Variants in PARD3 observed in about 807,000 individuals in gnomAD.
PARD3 encodes the protein partitioning defective 3 homolog.
Under a neutral mutation model 155.4 loss-of-function variants are expected in PARD3, and 75 were observed. The observed-to-expected ratio is 0.48, with a 90% CI of 0.40 to 0.58. The LOEUF is 0.58. Ranked by LOEUF, PARD3 falls within the 20% of genes least tolerant of loss-of-function variation. PARD3 has a pLI of 0.00. For missense variants in PARD3, 1,642 were observed against 1,721.7 expected (o/e 0.95, Z 0.82); for synonymous variants, 576 against 610.5 (o/e 0.94, Z 0.83).
intron 12 of PARD3, 57 bp from the exon 13 acceptor site, chr10:34,360,316 T>A (rs1839320645): frequency 1.5e-6 from 2 of 1,341,794 alleles, no homozygotes; most frequent in South Asian, 2.4e-5. Context: ...TTCTCAAAGT[T>A]ATTTTTAAAG....
At chr10:34,191,947 A>G (rs1294286463) in intron 22 of PARD3, among the ~76,000 whole-genome samples, 3 of 152,200 alleles carry the variant, frequency 2.0e-5, no homozygotes, top group African/African-American at 4.8e-5. Flanking sequence ...AGGCTAAAAC[A>G]CGGGCTCAGC....
intron 14 of PARD3, among the ~76,000 whole-genome samples, chr10:34,355,286 C>T (rs566107519): frequency 1.3e-5 from 2 of 152,058 alleles, no homozygotes; most frequent in African/African-American, 4.8e-5. Flanking sequence ...GGGGACTATA[C>T]CACTGCACTC....
chr10:34,721,038 C>A (rs2094599089), intron 1 of PARD3, among the ~76,000 whole-genome samples: 2 of 152,120 alleles, frequency 1.3e-5, no homozygotes, highest in Non-Finnish European at 2.9e-5. Context: ...GAACAATGAG[C>A]TGCATTATTC....
At chr10:34,780,204 C>G (rs1233699030) in intron 1 of PARD3, among the ~76,000 whole-genome samples, 1 of 152,218 alleles carries the variant, frequency 6.6e-6, no homozygotes, top group Non-Finnish European at 1.5e-5. Context: ...ACTAACTTCA[C>G]AAACTAATCA....
rs752174405 is a variant in PARD3 at position 34,617,256 on chromosome 10, C to CA, written c.222+79061dup. ...TGGGCGACAGAGCAAGACTCTGTCT[C>CA]AAAAAATAAATAAATAAATAAAAAT... On this transcript the variant is annotated intron_variant, in intron 2 of 24. Coordinates refer to ENST00000374788, the MANE Select transcript of PARD3 (RefSeq NM_001184785.2). 1.6e-3 allele frequency among the ~76,000 whole-genome samples: 237 copies of CA among 147,576 alleles called. 2 individuals are homozygous for CA. The highest frequency in any genetic ancestry group is 5.8e-3 in the South Asian group (27 of 4,678).
intron 2 of PARD3, among the ~76,000 whole-genome samples, chr10:34,628,871 G>T (rs1162957278): frequency 6.6e-6 from 1 of 152,208 alleles, no homozygotes; most frequent in Non-Finnish European, 1.5e-5. Flanking sequence ...ACGCATTACA[G>T]AGAGGAGTGG....
chr10:34,155,098 T>C lies in PARD3; in HGVS notation c.3420-23515A>G, dbSNP rs557707203. 4.6e-5 allele frequency among the ~76,000 whole-genome samples: 7 copies of C among 152,306 alleles called. No individual in the cohort carries two copies. The South Asian group carries it at 1.0e-3, about 23-fold the overall frequency. Reference sequence around the variant, plus strand: ...AGGAAATGGTACAGACCAGGCCAGATGCATTTCCATAGGTTCCCTAAATTT... The same window carrying C: ...AGGAAATGGTACAGACCAGGCCAGACGCATTTCCATAGGTTCCCTAAATTT... On this transcript the variant is annotated intron_variant, in intron 22 of 24. Transcript: ENST00000374788.
intron 22 of PARD3, among the ~76,000 whole-genome samples, chr10:34,151,852 T>C (rs1148241): frequency 0.28 from 42,423 of 152,110 alleles, 6,346 homozygotes; most frequent in Non-Finnish European, 0.32. Flanking sequence ...ATCTTTATAG[T>C]AACTTTAATA....
At chr10:34,212,434 T>G (rs1298516206) in intron 22 of PARD3, among the ~76,000 whole-genome samples, 2 of 152,212 alleles carry the variant, frequency 1.3e-5, no homozygotes. Flanking sequence ...ATTGTTATTT[T>G]GTATTCTGCT....
chr10:34,363,242 A>G (rs1159834382), intron 12 of PARD3, among the ~76,000 whole-genome samples: 1 of 152,244 alleles, frequency 6.6e-6, no homozygotes, highest in Non-Finnish European at 1.5e-5. Flanking sequence ...ATATATGAAG[A>G]AAAATTTTAA....
intron 22 of PARD3, among the ~76,000 whole-genome samples, chr10:34,178,207 A>T (rs1426649828): frequency 6.6e-6 from 1 of 152,254 alleles, no homozygotes; most frequent in Non-Finnish European, 1.5e-5. Context: ...CTTCTCTAAT[A>T]AAATGAACAC....
intron 3 of PARD3, among the ~76,000 whole-genome samples, chr10:34,512,031 A>C (rs542435158): frequency 3.9e-5 from 6 of 152,192 alleles, no homozygotes; most frequent in Admixed American, 3.3e-4. Flanking sequence ...ACCTCCCAAC[A>C]CTGTTGTACT....
At chr10:34,351,370 CACT>C (rs1404615915) in intron 14 of PARD3, among the ~76,000 whole-genome samples, 1 of 152,118 alleles carries the variant, frequency 6.6e-6, no homozygotes, top group Non-Finnish European at 1.5e-5. Context: ...CCTTAAAACA[CACT>C]ACATTATGTG....
chr10:34,528,897 G>A (rs567476390), intron 2 of PARD3, among the ~76,000 whole-genome samples: 1 of 152,286 alleles, frequency 6.6e-6, no homozygotes, highest in South Asian at 2.1e-4. Context: ...CAATCAGGAT[G>A]TATAATTATT....
At chr10:34,389,065 C>T (rs911011424) in intron 7 of PARD3, among the ~76,000 whole-genome samples, 9 of 151,956 alleles carry the variant, frequency 5.9e-5, no homozygotes, top group Admixed American at 5.2e-4. Context: ...CCTGATGGAG[C>T]TGAAACATCC....
chr10:34,806,324 T>G (rs1050949216), intron 1 of PARD3, among the ~76,000 whole-genome samples: 3 of 151,772 alleles, frequency 2.0e-5, no homozygotes, highest in African/African-American at 7.3e-5. Flanking sequence ...GCCTCCCAAG[T>G]AGCTGTGATT....
intron 1 of PARD3, among the ~76,000 whole-genome samples, chr10:34,740,533 C>A (rs1215602769): frequency 8.5e-5 from 13 of 152,052 alleles, no homozygotes. Flanking sequence ...AGGACTGTAA[C>A]AGGTGTGTTC....
At chr10:34,358,175 A>G (rs1370038366) in intron 14 of PARD3, among the ~76,000 whole-genome samples, 3 of 152,200 alleles carry the variant, frequency 2.0e-5, no homozygotes, top group African/African-American at 7.2e-5. Flanking sequence ...GTTGGCACAT[A>G]ATTTATAATG....
chr10:34,651,251 T>C (rs1024002423), intron 2 of PARD3, among the ~76,000 whole-genome samples: 3 of 152,128 alleles, frequency 2.0e-5, no homozygotes, highest in Non-Finnish European at 4.4e-5. Context: ...ACTTTCCATG[T>C]CTTCTTTTTG....
Sources: gnomAD v4.1 joint callset for allele counts (sites outside exome capture counted in the v4.1 genomes callset) on GRCh38, gnomAD v4.1.1 for gene constraint, MANE v1.5 for transcripts, NCBI Gene and HGNC (gene_info 2026-07-23, HGNC 2026-07-21) for gene names.